The following NBPF19 variants were observed in gnomAD, a reference collection of about 807,000 sequenced individuals.
NBPF19 encodes NBPF family member NBPF19.
NBPF19 carries 30 observed loss-of-function variants against 45.9 expected under a neutral mutation model. The ratio of observed to expected loss-of-function variants is 0.65; its 90% confidence interval spans 0.49 to 0.89. The LOEUF (loss-of-function observed/expected upper bound fraction) is 0.89, where lower values mean the gene tolerates loss of function less well. NBPF19 is among the 40% of genes least tolerant of loss of function. The pLI is 0.00. For synonymous variants in NBPF19, 183 were observed against 181.2 expected (o/e 1.01, Z -0.08); for missense variants, 495 against 471.8 (o/e 1.05, Z -0.46).
At position 149,480,132 on chromosome 1, in the gene NBPF19, GTAT is replaced by G. The variant is rs2085087557; in HGVS notation, c.494-8_494-6del. 1.3e-6 allele frequency: 1 copy of G among 773,688 alleles called. No homozygotes were observed. Among genetic ancestry groups the G allele is most frequent in the Admixed American group, 1.9e-5 (1 of 53,464 alleles). The allele number at this position is 773,688 out of a possible 1,614,324, so 47.9% of individuals were successfully genotyped here. On this transcript the variant is annotated splice_polypyrimidine_tract_variant and splice_region_variant and intron_variant, in intron 4 of 93. Transcript: ENST00000651566. Reference sequence around the variant, plus strand: ...GGGAAATATCTGAACGAACACTTCTGTATTTACAGAAAATGACAACGATGACGA... The same window carrying G: ...GGGAAATATCTGAACGAACACTTCTGTTACAGAAAATGACAACGATGACGA...
At chr1:149,487,897 A>C in intron 9 of NBPF19, 116 bp from the exon 10 acceptor site, 2 of 746,204 alleles carry the variant, frequency 2.7e-6, no homozygotes, top group South Asian at 1.4e-5. Context: ...TACCTCACTA[A>C]TGGATCTCTC....
chr1:149,480,469 C>T (rs2085113016), intron 5 of NBPF19, among the ~76,000 whole-genome samples: 2 of 142,720 alleles, frequency 1.4e-5, no homozygotes, highest in Admixed American at 1.4e-4. Flanking sequence ...GTGCAATGAA[C>T]AGCAGCTGCT....
At chr1:149,477,706 A>G in intron 2 of NBPF19, among the ~76,000 whole-genome samples, 1 of 151,220 alleles carries the variant, frequency 6.6e-6, no homozygotes, top group Non-Finnish European at 1.5e-5. Context: ...TTGTGGTTGA[A>G]TCATCTTGTC....
intron 2 of NBPF19, among the ~76,000 whole-genome samples, chr1:149,477,679 G>A (rs1280451017): frequency 6.6e-6 from 1 of 151,352 alleles, no homozygotes; most frequent in African/African-American, 2.4e-5. Context: ...GGGGCTGTGA[G>A]TTCTGACTCC....
Position 149,554,533 on chromosome 1 carries a change from T to A in NBPF19, c.11327T>A (p.Val3776Asp), listed in dbSNP as rs2087196257. Reference sequence around the variant, plus strand: ...CTGATGGAAGTGGAAGAGCCTGAAGTCTTACAGGACTCACTGGATGGATGT... The same window carrying A: ...CTGATGGAAGTGGAAGAGCCTGAAGACTTACAGGACTCACTGGATGGATGT... ...SVLMEVEEPEVLQDSLDGCYS... is the reference protein window; with the variant it reads ...SVLMEVEEPEDLQDSLDGCYS... The change falls in exon 94 of 94, where the codon GTC (valine) becomes GAC (aspartate). Residue 3776 changes from valine to aspartate, a missense_variant. Val to Asp is a radical substitution (Grantham distance 152). Coordinates refer to ENST00000651566, the MANE Select transcript of NBPF19 (RefSeq NM_001351365.2). 1 of 1,608,142 alleles carries A rather than the reference T, an allele frequency of 6.2e-7. No individual in the cohort carries two copies. Among genetic ancestry groups the A allele is most frequent in the African/African-American group, 1.3e-5 (1 of 74,658 alleles).
rs1197182402 is a variant in NBPF19 at position 149,475,549 on chromosome 1, C to T, written c.-282C>T. On this transcript the variant is annotated 5_prime_UTR_variant, in exon 1 of 94. Coordinates refer to ENST00000651566, the MANE Select transcript of NBPF19 (RefSeq NM_001351365.2). ...GTGACCCTCAGGTGAAAGTAGGGTG[C>T]CTGTGTTTCAGCAAAGCCTGGGCAA... The T allele has an allele frequency of 5.8e-4, 464 of 802,152 alleles. 13 individuals carry two copies. The East Asian group carries it at 0.012, about 21-fold the overall frequency. 49.7% of individuals were successfully genotyped at this position (802,152 alleles called of 1,614,324 possible).
chr1:149,478,057 C>T lies in NBPF19; in HGVS notation c.278+10C>T, dbSNP rs2084945972. On this transcript the variant is annotated intron_variant, in intron 3 of 93. Coordinates refer to ENST00000651566, the MANE Select transcript of NBPF19 (RefSeq NM_001351365.2). ...AAGCTGAGGAGCTCAGGTGAGGGGA[C>T]CCCGTGGGGGGAGGGCAGGCGGGTA... is the stretch of plus-strand genomic sequence containing the variant. 1.9e-6 allele frequency: 3 copies of T among 1,566,072 alleles called. No homozygotes were observed. The highest frequency in any genetic ancestry group is 2.6e-6 in the Non-Finnish European group (3 of 1,144,908).
At position 149,478,892 on chromosome 1, in the gene NBPF19, C is replaced by T; in HGVS notation, c.291C>T (p.Val97=). ...CGTCTCACCTTAGGCAATATAAAGT[C>T]CTGTTTCACTCTCAGGAACGAGAGC... The part of the protein sequence containing the change: ...KQAEELRQYK[V]LFHSQERELT... Residue 97 remains valine (V), a synonymous_variant, in exon 4 of 94, where the codon GTC becomes GTT. Coordinates refer to ENST00000651566, the MANE Select transcript of NBPF19 (RefSeq NM_001351365.2). 9 of 1,605,918 alleles carry T rather than the reference C, an allele frequency of 5.6e-6. No homozygotes were observed. Among genetic ancestry groups the T allele is most frequent in the Non-Finnish European group, 6.8e-6 (8 of 1,175,022 alleles).
intron 2 of NBPF19, 48 bp from the exon 3 acceptor site, chr1:149,477,897 C>T (rs1195435186): frequency 9.4e-6 from 9 of 956,580 alleles, no homozygotes; most frequent in Non-Finnish European, 1.5e-5. Context: ...GTGACCACAG[C>T]AGCATGTCCA....
chr1:149,479,481 CA>C lies in NBPF19; in HGVS notation c.493+388del, dbSNP rs1171069110. On this transcript the variant is annotated intron_variant, in intron 4 of 93. Transcript: ENST00000651566. Reference sequence around the variant, plus strand: ...AGTGTCAGTGAGTGATTTATCTTTTCAGAGTTTCTCTCTCTCCATCTGCAAA... The same window carrying C: ...AGTGTCAGTGAGTGATTTATCTTTTCGAGTTTCTCTCTCTCCATCTGCAAA... Among the ~76,000 whole-genome samples the C allele has an allele frequency of 3.2e-4, 48 of 150,432 alleles. 2 individuals are homozygous for C. Among genetic ancestry groups the C allele is most frequent in the Admixed American group, 3.2e-3 (48 of 15,074 alleles).
rs1441007591 is a variant in NBPF19, at chr1:149,555,067, C to G, written c.*329C>G. ...GCAGGCATGTCTCTGAGCTTCTATA[C>G]CTGCTCAAGGTCAGTGTCATCTTTG... On this transcript the variant is annotated 3_prime_UTR_variant, in exon 94 of 94. Coordinates refer to ENST00000651566, the MANE Select transcript of NBPF19 (RefSeq NM_001351365.2). 7.5e-6 allele frequency: 3 copies of G among 400,536 alleles called. No homozygotes were observed. The highest frequency in any genetic ancestry group is 6.2e-5 in the African/African-American group (3 of 48,752). 24.8% of individuals were successfully genotyped at this position (400,536 alleles called of 1,614,324 possible). A position where few individuals can be genotyped will look rare whatever the true frequency, so the allele number is the denominator to read the frequency against.
Position 149,487,460 on chromosome 1 carries a change from C to A in NBPF19, c.1040+77C>A, listed in dbSNP as rs1177676443. The A allele has an allele frequency of 3.1e-6, 3 of 957,168 alleles. No individual in the cohort carries two copies. The East Asian group carries it at 7.2e-5, about 23-fold the overall frequency. 59.3% of individuals were successfully genotyped at this position (957,168 alleles called of 1,614,324 possible). A position where few individuals can be genotyped will look rare whatever the true frequency, so the allele number is the denominator to read the frequency against. The stretch of plus-strand genomic sequence containing the variant: ...CCAAGTCCAGGGAAAACAGTACATG[C>A]TGAAAATAATGATTTTGTCTTGTCA... On this transcript the variant is annotated intron_variant, in intron 9 of 93. Coordinates refer to ENST00000651566, the MANE Select transcript of NBPF19 (RefSeq NM_001351365.2).
chr1:149,554,527 C>G lies in NBPF19; in HGVS notation c.11321C>G (p.Pro3774Arg), dbSNP rs1268535825. 14 of 1,608,068 alleles carry G rather than the reference C, an allele frequency of 8.7e-6. 1 individual carries two copies. The highest frequency in any genetic ancestry group is 1.3e-5 in the African/African-American group (1 of 74,624). The part of the protein sequence containing the change: ...LNSVLMEVEE[P>R]EVLQDSLDGC... Reference sequence around the variant, plus strand: ...AGCGTGCTGATGGAAGTGGAAGAGCCTGAAGTCTTACAGGACTCACTGGAT... The same window carrying G: ...AGCGTGCTGATGGAAGTGGAAGAGCGTGAAGTCTTACAGGACTCACTGGAT... The change falls in exon 94 of 94, where the codon CCT (proline) becomes CGT (arginine). Residue 3774 changes from proline to arginine, a missense_variant. This residue lies in a region of NBPF19 where 248 missense variants were observed against 95.4 expected (regional missense o/e 2.60). Transcript: ENST00000651566.
chr1:149,488,140 T>G lies in NBPF19; in HGVS notation c.1168T>G (p.Tyr390Asp). Residue 390 changes from tyrosine to aspartate, a missense_variant, in exon 10 of 94, where the codon TAC becomes GAC. Tyr to Asp is a radical substitution (Grantham distance 160, BLOSUM62 -3). Coordinates refer to ENST00000651566, the MANE Select transcript of NBPF19 (RefSeq NM_001351365.2). ...DSCQPYRSAF[Y>D]VLEQQRVGLA... ...ATGCCAGCCCTACAGAAGTGCCTTTTACGTATTGGAGCAACAGCGTGTTGG... is the reference window on the plus strand; with the variant it reads ...ATGCCAGCCCTACAGAAGTGCCTTTGACGTATTGGAGCAACAGCGTGTTGG... 1.5e-6 allele frequency: 1 copy of G among 681,264 alleles called. No individual in the cohort carries two copies. Among genetic ancestry groups the G allele is most frequent in the Non-Finnish European group, 2.6e-6 (1 of 378,246 alleles). 42.2% of individuals were successfully genotyped at this position (681,264 alleles called of 1,614,324 possible). A position where few individuals can be genotyped will look rare whatever the true frequency, so the allele number is the denominator to read the frequency against.
intron 9 of NBPF19, 110 bp from the exon 10 acceptor site, chr1:149,487,903 C>A (rs2085704953): frequency 8.1e-6 from 6 of 742,500 alleles, no homozygotes; most frequent in South Asian, 5.7e-5. Flanking sequence ...ACTAATGGAT[C>A]TCTCCTTTTT....
chr1:149,554,442 C>G (rs1315944753), intron 93 of NBPF19, 53 bp from the exon 94 acceptor site: 1 of 1,607,886 alleles, frequency 6.2e-7, no homozygotes, highest in African/African-American at 1.3e-5. Context: ...TAGTGGGGCT[C>G]TGTGGTGTCT....
intron 7 of NBPF19, among the ~76,000 whole-genome samples, chr1:149,483,266 TC>T (rs1441041716): frequency 2.8e-5 from 3 of 107,796 alleles, no homozygotes; most frequent in African/African-American, 7.4e-5. Flanking sequence ...GTTGAATTGA[TC>T]CCTTTACCAT....
intron 17 of NBPF19, 63 bp downstream of exon 17, chr1:149,493,774 G>T (rs2085955369): frequency 1.2e-5 from 2 of 166,432 alleles, no homozygotes; most frequent in South Asian, 6.8e-5. Context: ...CAGGTCCAGG[G>T]AAAACAAGAG....
Position 149,488,387 on chromosome 1 carries a change from G to C in NBPF19, c.1213+202G>C, listed in dbSNP as rs1431251519. 5.6e-5 allele frequency among the ~76,000 whole-genome samples: 8 copies of C among 142,580 alleles called. 2 individuals are homozygous for C. The highest frequency in any genetic ancestry group is 1.6e-4 in the African/African-American group (6 of 37,914). The allele number at this position is 142,580 out of a possible 152,430, so 93.5% of individuals were successfully genotyped here. ...TTCAGTGAGCAAGGCTCTCTTCCTAGTCTCAGGCCATACCTGTGGCGCCCT... is the reference window on the plus strand; with the variant it reads ...TTCAGTGAGCAAGGCTCTCTTCCTACTCTCAGGCCATACCTGTGGCGCCCT... On this transcript the variant is annotated intron_variant, in intron 10 of 93. Transcript: ENST00000651566.
Sources: gnomAD v4.1 joint callset for allele counts (sites outside exome capture counted in the v4.1 genomes callset) on GRCh38, gnomAD v4.1.1 for gene constraint, gnomAD v4.1.1 regional missense constraint, MANE v1.5 for transcripts, NCBI Gene and HGNC (gene_info 2026-07-23, HGNC 2026-07-21) for gene names.